GRAMD4: variants seen among roughly 807,000 people sequenced by gnomAD.
The protein encoded by GRAMD4 is GRAM domain-containing protein 4.
A neutral mutation model predicts 83.9 loss-of-function variants in GRAMD4; 25 were observed. The ratio of observed to expected loss-of-function variants is 0.30; its 90% CI spans 0.22 to 0.42. The LOEUF is 0.42. Among genes scored for constraint, GRAMD4 ranks in the 10% least tolerant of loss-of-function variants. The probability of loss-of-function intolerance (pLI) is 1.00; values close to 1 mark genes in which losing one functional copy is unlikely to be tolerated. For synonymous variants in GRAMD4, 336 were observed against 320.9 expected, an observed-to-expected ratio of 1.05 and a Z score of -0.50; for missense variants, 593 against 788.7, an observed-to-expected ratio of 0.75 and a Z score of 2.97.
chr22:46,668,754 G>C (rs779188820), intron 12 of GRAMD4, 22 bp downstream of exon 12: 1 of 1,583,440 alleles, frequency 6.3e-7, no homozygotes, highest in Non-Finnish European at 8.6e-7. Context: ...CCCCCACCCC[G>C]GCCCTGCGGC....
chr22:46,575,751 C>T (rs139103678), upstream of GRAMD4, among the ~76,000 whole-genome samples: 5 of 152,330 alleles, frequency 3.3e-5, no homozygotes, highest in East Asian at 1.9e-4. Context: ...GCCATCGCAC[C>T]CCATGCTGCC....
chr22:46,630,333 T>G (rs1279089030), intron 2 of GRAMD4, among the ~76,000 whole-genome samples: 1 of 152,190 alleles, frequency 6.6e-6, no homozygotes, highest in Non-Finnish European at 1.5e-5. Context: ...ACCTGTTGTC[T>G]TTATTCATTG....
rs1420031809 is a variant in GRAMD4, at chr22:46,580,923, C to T, written c.-50+3633C>T. Among the ~76,000 whole-genome samples the T allele has an allele frequency of 4.1e-5, 6 of 146,858 alleles. No individual in the cohort carries two copies. In the South Asian group the frequency reaches 8.6e-4, roughly 21 times the overall value. On this transcript the variant is annotated intron_variant, in intron 1 of 1. Coordinates refer to the GRAMD4 transcript ENST00000431155. ...CAGAGGTTGGGGTGAGCTGAGATCG[C>T]GCCATTGCACTCCAGCCTGGGCAAC...
chr22:46,644,334 C>G (rs1047903230), intron 3 of GRAMD4, among the ~76,000 whole-genome samples: 2 of 152,068 alleles, frequency 1.3e-5, no homozygotes, highest in African/African-American at 4.8e-5. Flanking sequence ...CGTGTTACAC[C>G]TGTTTCTGTT....
chr22:46,652,895 A>G (rs5767318), intron 3 of GRAMD4, among the ~76,000 whole-genome samples: 32,858 of 152,216 alleles, frequency 0.22, 4,314 homozygotes, highest in East Asian at 0.38. Flanking sequence ...GTGGAAAGAT[A>G]CAGCTGTGCT....
At chr22:46,580,333 C>T (rs965862800) in intron 1 of GRAMD4, among the ~76,000 whole-genome samples, 1 of 152,252 alleles carries the variant, frequency 6.6e-6, no homozygotes, top group Non-Finnish European at 1.5e-5. Flanking sequence ...ATCCCACAGG[C>T]TGGCTTGGGG....
chr22:46,681,486 G>A (rs2082671057), downstream of GRAMD4, among the ~76,000 whole-genome samples: 1 of 152,302 alleles, frequency 6.6e-6, no homozygotes, highest in Non-Finnish European at 1.5e-5. Context: ...ACCTTACTCA[G>A]CGGCATCTCT....
chr22:46,680,605 T>TCCACCCA, downstream of GRAMD4, among the ~76,000 whole-genome samples: 1 of 70,550 alleles, frequency 1.4e-5, no homozygotes, highest in Non-Finnish European at 2.9e-5. Context: ...CACCCACCCA[T>TCCACCCA]TCATCCATCC....
At chr22:46,611,870 A>G (rs138510) in intron 1 of GRAMD4, among the ~76,000 whole-genome samples, 118,504 of 148,948 alleles carry the variant, frequency 0.8, 47,870 homozygotes, top group East Asian at 1. Flanking sequence ...GGTGGGGGGC[A>G]CCTATAGTCC....
At position 46,663,128 on chromosome 22, in the gene GRAMD4, C is replaced by G. The variant is rs566243665; in HGVS notation, c.555C>G (p.Pro185=). ...GEYVEDFRFQ[P]EENTVETEEP... is the part of the protein sequence containing the mutation. ...ACGTGGAGGACTTCCGGTTCCAGCC[C>G]GAGGAGAACACTGTGGAGACAGAGG... The change falls in exon 6 of 19, where the codon CCC becomes CCG. Residue 185 remains proline (P), a synonymous_variant. Transcript: ENST00000406902. The G allele has an allele frequency of 1.9e-6, 3 of 1,612,446 alleles. No homozygotes were observed. Among genetic ancestry groups the G allele is most frequent in the Non-Finnish European group, 2.5e-6 (3 of 1,179,634 alleles).
At chr22:46,674,388 C>T (rs896860017) in intron 15 of GRAMD4, among the ~76,000 whole-genome samples, 9 of 152,180 alleles carry the variant, frequency 5.9e-5, no homozygotes, top group East Asian at 5.8e-4. Flanking sequence ...GGTGGTGTCC[C>T]GGCCACACTG....
upstream of GRAMD4, among the ~76,000 whole-genome samples, chr22:46,616,806 G>GCT: frequency 7.1e-6 from 1 of 141,420 alleles, no homozygotes; most frequent in Non-Finnish European, 1.5e-5. Context: ...GTTCCCCTGT[G>GCT]TGTGTAGGTT....
downstream of GRAMD4, chr22:46,682,542 G>A: frequency 7.4e-6 from 4 of 543,694 alleles, no homozygotes; most frequent in South Asian, 8.1e-5. Flanking sequence ...GAGGGCGCCC[G>A]CCCAGTGACG....
intron 2 of GRAMD4, among the ~76,000 whole-genome samples, chr22:46,633,577 T>G (rs1047797595): frequency 3.3e-5 from 5 of 152,208 alleles, no homozygotes; most frequent in Admixed American, 3.3e-4. Flanking sequence ...CGGCCCTGCT[T>G]TCTCCGTGGG....
rs1443327358 is a variant in GRAMD4, at chr22:46,659,709, G to A, written c.404+1402G>A. 1.3e-5 allele frequency among the ~76,000 whole-genome samples: 2 copies of A among 150,566 alleles called. No individual in the cohort carries two copies. Among genetic ancestry groups the A allele is most frequent in the Non-Finnish European group, 2.9e-5 (2 of 67,938 alleles). The stretch of plus-strand genomic sequence containing the variant: ...AGCATGACCTTGTGGAGTGCCCTGG[G>A]GGGCTCATGTGGGGGCTCATGTGGG... On this transcript the variant is annotated intron_variant, in intron 4 of 18. Coordinates refer to ENST00000406902, the MANE Select transcript of GRAMD4 (RefSeq NM_015124.5). The surrounding 1 kb of genome is among the most constrained non-coding windows in gnomAD (Gnocchi z 4.1).
chr22:46,644,545 G>T (rs1601622932), intron 3 of GRAMD4, among the ~76,000 whole-genome samples: 1 of 150,066 alleles, frequency 6.7e-6, no homozygotes, highest in African/African-American at 2.5e-5. Context: ...TCCCTGTTCT[G>T]TGTTACACCT....
intron 3 of GRAMD4, among the ~76,000 whole-genome samples, chr22:46,644,581 C>T (rs138829610): frequency 6.6e-6 from 1 of 152,318 alleles, no homozygotes; most frequent in East Asian, 1.9e-4. Context: ...TACACCTCTC[C>T]CTGTCCCGGG....
In GRAMD4 at chr22:46,674,065, G is replaced by T. The variant is rs146089286; in HGVS notation, c.1384+251G>T. Among the ~76,000 whole-genome samples, 688 of 152,366 alleles carry T rather than the reference G, an allele frequency of 4.5e-3. 2 individuals are homozygous for T. Among genetic ancestry groups the T allele is most frequent in the African/African-American group, 0.015 (643 of 41,590 alleles). ...CTGCAGCACTCCCCTGACAGCAGGC[G>T]TGCAGGCAACACACTGGGGAGAGAG... is the stretch of plus-strand genomic sequence containing the variant. On this transcript the variant is annotated intron_variant, in intron 15 of 18. Transcript: ENST00000406902.
rs936733548 is a variant in GRAMD4 at position 46,659,918 on chromosome 22, A to T, written c.405-1463A>T. 6.6e-6 allele frequency among the ~76,000 whole-genome samples: 1 copy of T among 152,148 alleles called. No individual in the cohort carries two copies. The highest frequency in any genetic ancestry group is 2.4e-5 in the African/African-American group (1 of 41,438). The stretch of plus-strand genomic sequence containing the variant: ...TTAATTATGTAGAGTTGCAACAGAG[A>T]CCTGACCTGCCACGCTGGGAGATCC... On this transcript the variant is annotated intron_variant, in intron 4 of 18. Transcript: ENST00000406902. This position sits in a 1 kb window ranked among gnomAD's most constrained non-coding sequence, Gnocchi z 4.1.
Sources: gnomAD v4.1 joint callset for allele counts (sites outside exome capture counted in the v4.1 genomes callset) on GRCh38, gnomAD v4.1.1 for gene constraint, Gnocchi (gnomAD v3.1) non-coding constraint, MANE v1.5 for transcripts, NCBI Gene and HGNC (gene_info 2026-07-23, HGNC 2026-07-21) for gene names.